Variants in SLC23A1 observed in about 807,000 individuals in gnomAD.
SLC23A1 encodes Na(+)/L-ascorbic acid transporter 1.
A neutral mutation model predicts 62.5 loss-of-function variants in SLC23A1; 31 were observed. The ratio of observed to expected loss-of-function variants is 0.50; its 90% CI spans 0.37 to 0.67. The LOEUF (loss-of-function observed/expected upper bound fraction) is 0.67, where lower values mean the gene tolerates loss of function less well. Ranked by LOEUF, SLC23A1 falls within the 30% of genes least tolerant of loss-of-function variation. The pLI is 0.00. For missense variants in SLC23A1, 640 were observed against 782.7 expected, an observed-to-expected ratio of 0.82 and a Z score of 2.18; for synonymous variants, 271 against 313.2, an observed-to-expected ratio of 0.87 and a Z score of 1.42.
chr5:139,382,594 G>A lies in SLC23A1; in HGVS notation c.48C>T (p.Thr16=), dbSNP rs774911856. The A allele has an allele frequency of 6.2e-7, 1 of 1,610,478 alleles. No homozygotes were observed. The highest frequency in any genetic ancestry group is 8.5e-7 in the Non-Finnish European group (1 of 1,177,322). ...DLEGRTQHET[T]RDPSTPLPTE... is the part of the protein sequence containing the mutation. The stretch of plus-strand genomic sequence containing the variant: ...TGGGTAGCGGGGTCGAGGGGTCCCT[G>A]GTGGTTTCATGCTGGAGGCAGCAGA... Residue 16 remains threonine, a synonymous_variant, in exon 2 of 15, where the codon ACC becomes ACT. Coordinates refer to ENST00000348729, the MANE Select transcript of SLC23A1 (RefSeq NM_005847.5).
intron 14 of SLC23A1, 129 bp downstream of exon 14, chr5:139,371,858 C>T: frequency 1.3e-6 from 1 of 743,806 alleles, no homozygotes; most frequent in Non-Finnish European, 2.3e-6. Context: ...TTACCCAGCT[C>T]ACCTTCTCTT....
intron 1 of SLC23A1, among the ~76,000 whole-genome samples, chr5:139,382,859 G>C (rs926462848): frequency 2.0e-5 from 3 of 152,196 alleles, no homozygotes; most frequent in Admixed American, 1.3e-4. Context: ...TTTTAGCCAG[G>C]GAAGTGGACC....
intron 3 of SLC23A1, among the ~76,000 whole-genome samples, chr5:139,381,203 G>C (rs1021443085): frequency 4.6e-5 from 7 of 152,218 alleles, no homozygotes; most frequent in African/African-American, 1.4e-4. Context: ...ATCTTCCCCT[G>C]TCCCCCGCTG....
At position 139,372,069 on chromosome 5, in the gene SLC23A1, C is replaced by T. The variant is rs753517441; in HGVS notation, c.1734G>A (p.Gln578=). Reference sequence around the variant, plus strand: ...CTGGAGTGTCTTCTGGAATTGCAATCTGATCTTTTGAACTTGAAGAAAATC... The same window carrying T: ...CTGGAGTGTCTTCTGGAATTGCAATTTGATCTTTTGAACTTGAAGAAAATC... ...FKGFSSSSKD[Q]IAIPEDTPEN... Residue 578 remains glutamine, a synonymous_variant, in exon 14 of 15, where the codon CAG becomes CAA. Coordinates refer to ENST00000348729, the MANE Select transcript of SLC23A1 (RefSeq NM_005847.5). The T allele has an allele frequency of 3.1e-6, 5 of 1,612,896 alleles. No individual in the cohort carries two copies. The highest frequency in any genetic ancestry group is 2.2e-5 in the East Asian group (1 of 44,892).
chr5:139,377,548 AG>A (rs1247553456), intron 12 of SLC23A1, 51 bp from the exon 13 acceptor site: 2 of 960,688 alleles, frequency 2.1e-6, no homozygotes, highest in South Asian at 2.6e-5. Flanking sequence ...TCTGGAGAGC[AG>A]AGTTGAGGGA....
Position 139,371,976 on chromosome 5 carries a change from A to G in SLC23A1, c.*19+11T>C. 6.2e-7 allele frequency: 1 copy of G among 1,606,122 alleles called. No individual in the cohort carries two copies. Among genetic ancestry groups the G allele is most frequent in the Non-Finnish European group, 8.5e-7 (1 of 1,174,014 alleles). ...TTCAACCCTCCCACAAAAACCATAG[A>G]CACATCCTACCTTTCCTGGAAGTCA... On this transcript the variant is annotated intron_variant, in intron 14 of 14. Coordinates refer to ENST00000348729, the MANE Select transcript of SLC23A1 (RefSeq NM_005847.5).
upstream of SLC23A1, chr5:139,384,657 T>C: frequency 3.3e-6 from 4 of 1,213,738 alleles, no homozygotes; most frequent in Non-Finnish European, 4.2e-6. Flanking sequence ...TACGGCTCCA[T>C]GGACACTCAA....
rs543259261 is a variant in SLC23A1 at position 139,371,856 on chromosome 5, C to T, written c.*19+131G>A. ...ATCCGTATGTTGACTTTTTACCCAG[C>T]TCACCTTCTCTTTGAGGACATTCAA... On this transcript the variant is annotated intron_variant, in intron 14 of 14. Coordinates refer to ENST00000348729, the MANE Select transcript of SLC23A1 (RefSeq NM_005847.5). The T allele has an allele frequency of 9.5e-6, 7 of 737,266 alleles. No individual in the cohort carries two copies. The African/African-American group carries it at 1.2e-4, about 13-fold the overall frequency. The allele number at this position is 737,266 out of a possible 1,614,324, so 45.7% of individuals were successfully genotyped here.
chr5:139,375,011 C>A (rs1757878120), intron 13 of SLC23A1, among the ~76,000 whole-genome samples: 1 of 152,202 alleles, frequency 6.6e-6, no homozygotes, highest in Non-Finnish European at 1.5e-5. Flanking sequence ...TCCTTTGATT[C>A]TGCCTAAAAT....
chr5:139,379,243 G>C lies in SLC23A1; in HGVS notation c.1037C>G (p.Ala346Gly). The change falls in exon 9 of 15, where the codon GCT (alanine) becomes GGT (glycine). Residue 346 changes from alanine to glycine, a missense_variant. Ala to Gly is a moderately conservative substitution (Grantham distance 60, BLOSUM62 0). Coordinates refer to ENST00000348729, the MANE Select transcript of SLC23A1 (RefSeq NM_005847.5). The surrounding 1 kb of genome is among the most constrained non-coding windows in gnomAD (Gnocchi z 4.7). ...IGDYYACARL[A>G]GAPPPPVHAI... ...ATGTACTGGAGGGGGTGGTGCACCA[G>C]CCAGGCGGGCACAGGCGTAGTAATC... 6.2e-7 allele frequency: 1 copy of C among 1,614,176 alleles called. No homozygotes were observed. The highest frequency in any genetic ancestry group is 8.5e-7 in the Non-Finnish European group (1 of 1,180,014).
chr5:139,379,282 A>G lies in SLC23A1; in HGVS notation c.998T>C (p.Ile333Thr), dbSNP rs200925380. 2.4e-4 allele frequency: 390 copies of G among 1,614,032 alleles called. No individual in the cohort carries two copies. Among genetic ancestry groups the G allele is most frequent in the Non-Finnish European group, 3.2e-4 (378 of 1,179,986 alleles). Residue 333 changes from isoleucine (I) to threonine (T), a missense_variant, in exon 9 of 15, where the codon ATT becomes ACT. Coordinates refer to ENST00000348729, the MANE Select transcript of SLC23A1 (RefSeq NM_005847.5). The surrounding 1 kb of genome is among the most constrained non-coding windows in gnomAD (Gnocchi z 4.7). ...GMFSATLAGI[I>T]ESIGDYYACA... ...GGCGTAGTAATCTCCGATGGACTCA[A>G]TGATGCCTGCCAGAGTGGCGCTGAA...
At chr5:139,381,711 A>T (rs912375138) in intron 3 of SLC23A1, among the ~76,000 whole-genome samples, 181 bp downstream of exon 3, 2 of 151,932 alleles carry the variant, frequency 1.3e-5, no homozygotes, top group African/African-American at 4.8e-5. Context: ...GCCTAGATCA[A>T]GATTCCCAGG....
intron 14 of SLC23A1, chr5:139,368,928 T>C (rs1344073576): frequency 4.7e-6 from 3 of 635,060 alleles, no homozygotes; most frequent in South Asian, 2.1e-5. Context: ...TTTGTTAGTC[T>C]TGCATGCTTA....
chr5:139,382,047 G>A lies in SLC23A1; in HGVS notation c.153C>T (p.His51=). The change falls in exon 3 of 15, where the codon CAC becomes CAT. Residue 51 remains histidine, a splice_region_variant and synonymous_variant. Transcript: ENST00000348729. ...WYLCILLGFQ[H]YLTCFSGTIA... ...TGGTACCACTGAAGCATGTCAGGTA[G>A]TGCTGGGCAGAGGGAGACAGCAGAG... 1 of 1,607,868 alleles carries A rather than the reference G, an allele frequency of 6.2e-7. No homozygotes were observed.
chr5:139,378,410 C>T lies in SLC23A1; in HGVS notation c.1180-59G>A, dbSNP rs983505056. Reference sequence around the variant, plus strand: ...GGACGAGGCTGGGGCGGGGTTAGTTCCAGGGGCGGGGCCTGTTATAAGAGC... The same window carrying T: ...GGACGAGGCTGGGGCGGGGTTAGTTTCAGGGGCGGGGCCTGTTATAAGAGC... On this transcript the variant is annotated intron_variant, in intron 10 of 14. Transcript: ENST00000348729. This position sits in a 1 kb window ranked among gnomAD's most constrained non-coding sequence, Gnocchi z 4.5. 2 of 1,534,806 alleles carry T rather than the reference C, an allele frequency of 1.3e-6. No individual in the cohort carries two copies. Among genetic ancestry groups the T allele is most frequent in the South Asian group, 1.2e-5 (1 of 82,674 alleles).
upstream of SLC23A1, chr5:139,383,434 C>G (rs1032940047): frequency 1.4e-5 from 19 of 1,313,526 alleles, no homozygotes; most frequent in African/African-American, 2.6e-4. Flanking sequence ...CTCACTAGGA[C>G]AGTAAAAGCC....
At chr5:139,383,775 T>C (rs1758401895), upstream of SLC23A1, among the ~76,000 whole-genome samples, 1 of 152,242 alleles carries the variant, frequency 6.6e-6, no homozygotes, top group African/African-American at 2.4e-5. Context: ...TTAACCCCTT[T>C]AACAGCGAAG....
chr5:139,378,419 G>A lies in SLC23A1; in HGVS notation c.1180-68C>T, dbSNP rs370797796. ...TGGGGCGGGGTTAGTTCCAGGGGCGGGGCCTGTTATAAGAGCGAGGCATAA... is the reference window on the plus strand; with the variant it reads ...TGGGGCGGGGTTAGTTCCAGGGGCGAGGCCTGTTATAAGAGCGAGGCATAA... On this transcript the variant is annotated intron_variant, in intron 10 of 14. Coordinates refer to ENST00000348729, the MANE Select transcript of SLC23A1 (RefSeq NM_005847.5). This position sits in a 1 kb window ranked among gnomAD's most constrained non-coding sequence, Gnocchi z 4.5. The A allele has an allele frequency of 1.3e-4, 200 of 1,524,620 alleles. 1 individual carries two copies. The Middle Eastern group carries it at 4.0e-3, about 30-fold the overall frequency. The allele number at this position is 1,524,620 out of a possible 1,614,324, so 94.4% of individuals were successfully genotyped here.
upstream of SLC23A1, chr5:139,384,703 G>A: frequency 8.4e-7 from 1 of 1,191,114 alleles, no homozygotes; most frequent in Non-Finnish European, 1.1e-6. Flanking sequence ...TAGAGAACAA[G>A]GTGGAGAACA....
Sources: allele counts gnomAD v4.1 joint callset (sites outside exome capture counted in the v4.1 genomes callset), GRCh38; gene constraint gnomAD v4.1.1; non-coding constraint Gnocchi (gnomAD v3.1); transcripts MANE v1.5; gene names NCBI Gene and HGNC (gene_info 2026-07-23, HGNC 2026-07-21).